The following GLB1L3 variants were observed in gnomAD, a reference collection of about 807,000 sequenced individuals.
GLB1L3 encodes beta-galactosidase-1-like protein 3.
GLB1L3 carries 89 observed loss-of-function variants against 89.5 expected under a neutral mutation model. The observed-to-expected ratio is 0.99, with a 90% CI of 0.84 to 1.19. The LOEUF is 1.19. Among genes scored for constraint, GLB1L3 ranks in the 50% most tolerant of loss-of-function variants. The pLI is 0.00. For synonymous variants in GLB1L3, 314 were observed against 312.3 expected (o/e 1.01, Z -0.06); for missense variants, 812 against 813.3 (o/e 1.00, Z 0.02).
intron 3 of GLB1L3, among the ~76,000 whole-genome samples, chr11:134,279,522 C>T (rs1940571946): frequency 6.6e-6 from 1 of 151,958 alleles, no homozygotes; most frequent in Non-Finnish European, 1.5e-5. Flanking sequence ...CCCGCCACCA[C>T]ACCCGGCTAA....
intron 3 of GLB1L3, among the ~76,000 whole-genome samples, chr11:134,280,895 C>T (rs1940648269): frequency 1.3e-5 from 2 of 152,182 alleles, no homozygotes; most frequent in South Asian, 2.1e-4. Flanking sequence ...AAAATTTTTA[C>T]TCATAGCCCT....
rs1034279296 is a variant in GLB1L3 at position 134,277,041 on chromosome 11, G to T, written c.23+278G>T. On this transcript the variant is annotated intron_variant, in intron 1 of 19. Transcript: ENST00000431683. ...CGTGTCCTTCCCGAACCTGGTGCTG[G>T]AAGTGCGCCCGCCTCCGCCTCTCCC... The T allele has an allele frequency of 3.5e-5, 20 of 572,198 alleles. 1 individual carries two copies. The South Asian group carries it at 4.5e-4, about 13-fold the overall frequency. 35.4% of individuals were successfully genotyped at this position (572,198 alleles called of 1,614,324 possible).
Position 134,276,728 on chromosome 11 carries a change from C to G in GLB1L3, c.-13C>G. On this transcript the variant is annotated 5_prime_UTR_variant, in exon 1 of 20. Coordinates refer to ENST00000431683, the MANE Select transcript of GLB1L3 (RefSeq NM_001080407.3). ...AAGCCGCAAGGGACCCTCGGCGCCTCGGCCTGGCCGCGATGAAGTCCCCGC... is the reference window on the plus strand; with the variant it reads ...AAGCCGCAAGGGACCCTCGGCGCCTGGGCCTGGCCGCGATGAAGTCCCCGC... 6.9e-7 allele frequency: 1 copy of G among 1,447,232 alleles called. No homozygotes were observed. Among genetic ancestry groups the G allele is most frequent in the Non-Finnish European group, 9.1e-7 (1 of 1,101,578 alleles). The allele number at this position is 1,447,232 out of a possible 1,614,324, so 89.6% of individuals were successfully genotyped here.
intron 9 of GLB1L3, among the ~76,000 whole-genome samples, chr11:134,295,001 T>A (rs982317741): frequency 1.3e-5 from 2 of 152,254 alleles, no homozygotes; most frequent in Admixed American, 6.5e-5. Flanking sequence ...ATTTTCTATT[T>A]TGCCAGATTC....
Position 134,309,747 on chromosome 11 carries a change from C to T in GLB1L3, c.1083C>T (p.Gly361=). The T allele has an allele frequency of 1.2e-6, 2 of 1,613,346 alleles. No individual in the cohort carries two copies. Residue 361 remains glycine (G), a synonymous_variant, in exon 11 of 20, where the codon GGC becomes GGT. Transcript: ENST00000431683. ...CCACATATTTCGGGAAGCACTCGGG[C>T]ATTGTCACCAGCTATGGCAAGTGTC... The part of the protein sequence containing the change: ...NGATYFGKHS[G]IVTSYDYDAV...
At chr11:134,292,780 C>T (rs982110733) in intron 8 of GLB1L3, 9 of 375,178 alleles carry the variant, frequency 2.4e-5, no homozygotes, top group African/African-American at 1.1e-4. Context: ...CGGCGGCTGC[C>T]GTTCTGCCTC....
intron 9 of GLB1L3, among the ~76,000 whole-genome samples, 179 bp from the exon 10 acceptor site, chr11:134,306,945 G>A (rs1337867783): frequency 2.0e-5 from 3 of 152,268 alleles, no homozygotes; most frequent in Non-Finnish European, 4.4e-5. Context: ...AGGAACCAGA[G>A]CTGTGAATGA....
intron 7 of GLB1L3, among the ~76,000 whole-genome samples, chr11:134,291,121 G>T (rs1015830170): frequency 2.0e-5 from 3 of 152,092 alleles, no homozygotes; most frequent in East Asian, 1.9e-4. Flanking sequence ...ACCATGCTCT[G>T]TTTAGTTTCC....
At position 134,276,764 on chromosome 11, in the gene GLB1L3, G is replaced by A. The variant is rs1940387484; in HGVS notation, c.23+1G>A. On this transcript the variant is annotated splice_donor_variant, in intron 1 of 19. Coordinates refer to ENST00000431683, the MANE Select transcript of GLB1L3 (RefSeq NM_001080407.3). LOFTEE classifies it high-confidence loss of function. ...CGATGAAGTCCCCGCCCCTCCTCAG[G>A]TGACGGATCGCCGCTGCCGTCCCGG... 6.9e-7 allele frequency: 1 copy of A among 1,445,640 alleles called. No individual in the cohort carries two copies. Among genetic ancestry groups the A allele is most frequent in the Admixed American group, 2.5e-5 (1 of 40,286 alleles). 89.6% of individuals were successfully genotyped at this position (1,445,640 alleles called of 1,614,324 possible).
chr11:134,302,491 G>T (rs1217972451), intron 9 of GLB1L3, among the ~76,000 whole-genome samples: 1 of 151,974 alleles, frequency 6.6e-6, no homozygotes, highest in Non-Finnish European at 1.5e-5. Context: ...TAATAGGTTT[G>T]AAATAACACT....
At chr11:134,277,177 G>A (rs1196643100) in intron 1 of GLB1L3, 149 bp from the exon 2 acceptor site, 1 of 943,506 alleles carries the variant, frequency 1.1e-6, no homozygotes, top group Non-Finnish European at 1.7e-6. Flanking sequence ...GCGCTGTCCT[G>A]GCCCTGGGCC....
In GLB1L3 at chr11:134,288,806, G is replaced by T; in HGVS notation, c.645G>T (p.Gln215His). The change falls in exon 7 of 20, where the codon CAG (glutamine) becomes CAT (histidine). Residue 215 changes from glutamine (Q) to histidine (H), a missense_variant. Transcript: ENST00000431683. ...CTATGCTTGTTTCTCAGTACCGCCA[G>T]GCAGGCCCTGTCATCGCGGTGCAAG... ...IPRVIPLQYR[Q>H]AGPVIAVQVE... 2 of 1,612,988 alleles carry T rather than the reference G, an allele frequency of 1.2e-6. No individual in the cohort carries two copies. The highest frequency in any genetic ancestry group is 1.7e-6 in the Non-Finnish European group (2 of 1,179,374).
At chr11:134,283,867 CA>C in intron 6 of GLB1L3, 22 bp downstream of exon 6, 7 of 1,408,112 alleles carry the variant, frequency 5.0e-6, no homozygotes, top group Non-Finnish European at 7.0e-6. Flanking sequence ...TTGTCCCCTG[CA>C]TCTTTCTTAC....
downstream of GLB1L3, chr11:134,319,648 A>G (rs1943127704): frequency 6.6e-6 from 1 of 152,116 alleles, no homozygotes; most frequent in Non-Finnish European, 1.5e-5. Flanking sequence ...CTCATGCCAG[A>G]GAGAGTATTG....
At chr11:134,320,749 A>C (rs971060378), downstream of GLB1L3, among the ~76,000 whole-genome samples, 25 of 152,134 alleles carry the variant, frequency 1.6e-4, no homozygotes, top group South Asian at 4.1e-4. Flanking sequence ...AAAAAAAAAA[A>C]ACAAAATATA....
At chr11:134,295,169 G>A (rs933886018) in intron 9 of GLB1L3, among the ~76,000 whole-genome samples, 46 of 152,264 alleles carry the variant, frequency 3.0e-4, no homozygotes, top group African/African-American at 9.9e-4. Flanking sequence ...CTATTTTCTG[G>A]AACAGATAGT....
In GLB1L3 at chr11:134,292,230, A is replaced by G. The variant is rs1221318009; in HGVS notation, c.811+17A>G. The G allele has an allele frequency of 3.2e-6, 5 of 1,585,592 alleles. No homozygotes were observed. Among genetic ancestry groups the G allele is most frequent in the Non-Finnish European group, 4.3e-6 (5 of 1,155,546 alleles). Reference sequence around the variant, plus strand: ...CCAAAGGAGGTACACATTTAGAGTTAGTTCACAGGAGAACAGGGCTCTCAG... The same window carrying G: ...CCAAAGGAGGTACACATTTAGAGTTGGTTCACAGGAGAACAGGGCTCTCAG... On this transcript the variant is annotated intron_variant, in intron 8 of 19. Coordinates refer to ENST00000431683, the MANE Select transcript of GLB1L3 (RefSeq NM_001080407.3).
At chr11:134,277,965 G>T in intron 3 of GLB1L3, 53 bp downstream of exon 3, 1 of 1,581,720 alleles carries the variant, frequency 6.3e-7, no homozygotes, top group Non-Finnish European at 8.6e-7. Context: ...AGTGCATCCT[G>T]GCCGGGAACC....
At chr11:134,310,025 A>G (rs907230050) in intron 11 of GLB1L3, 6 of 504,176 alleles carry the variant, frequency 1.2e-5, no homozygotes, top group Non-Finnish European at 2.1e-5. Flanking sequence ...GAACCTCTGA[A>G]GAGAGGCAGG....
Sources: gnomAD v4.1 joint callset for allele counts (sites outside exome capture counted in the v4.1 genomes callset) on GRCh38, gnomAD v4.1.1 for gene constraint, MANE v1.5 for transcripts, NCBI Gene and HGNC (gene_info 2026-07-23, HGNC 2026-07-21) for gene names.